The following FAAH2 variants were observed in gnomAD, a reference collection of about 807,000 sequenced individuals.
The protein encoded by FAAH2 is fatty acid amide hydrolase 2, also known as fatty-acid amide hydrolase 2.
Under a neutral mutation model 36.9 loss-of-function variants are expected in FAAH2, and 60 were observed. The ratio of observed to expected loss-of-function variants is 1.63; its 90% confidence interval spans 1.32 to 2.02. The LOEUF (loss-of-function observed/expected upper bound fraction) is 2.02, where lower values mean the gene tolerates loss of function less well. Ranked by LOEUF, FAAH2 falls within the 30% of genes most tolerant of loss-of-function variation. The probability of loss-of-function intolerance (pLI) is 0.00; values close to 1 mark genes in which losing one functional copy is unlikely to be tolerated. For synonymous variants in FAAH2, 214 were observed against 143.8 expected (o/e 1.49, Z -3.49); for missense variants, 689 against 397.5 (o/e 1.73, Z -6.23).
At chrX:57,142,149 G>A in the FAAH2 span, among the ~76,000 whole-genome samples, 1 of 111,381 alleles carries the variant, frequency 9.0e-6, no homozygotes, top group South Asian at 3.7e-4. Context: ...ACTAACTCAA[G>A]GTTTGATTTG....
chrX:57,137,400 C>A, the FAAH2 span: 11 of 737,704 alleles, frequency 1.5e-5, no homozygotes, highest in African/African-American at 2.3e-5. Context: ...GCAAAGAGCA[C>A]TGCAGCGGTG....
the FAAH2 span, among the ~76,000 whole-genome samples, chrX:57,192,338 A>C: frequency 9.0e-6 from 1 of 111,235 alleles, no homozygotes; most frequent in African/African-American, 3.3e-5. Context: ...CAGTTTGAAT[A>C]GTTTTTTTTT....
chrX:57,151,531 CCTTT>C, the FAAH2 span, among the ~76,000 whole-genome samples: 2 of 111,634 alleles, frequency 1.8e-5, no homozygotes, highest in Non-Finnish European at 3.8e-5. Flanking sequence ...TCGTTGATAC[CCTTT>C]CTTCCAGTGA....
At chrX:57,350,653 G>A (rs760644876) in intron 5 of FAAH2, among the ~76,000 whole-genome samples, 2 of 110,626 alleles carry the variant, frequency 1.8e-5, no homozygotes, top group African/African-American at 6.5e-5. Context: ...AAAGAAAAGG[G>A]GTAGAAAAAA....
At chrX:57,306,434 C>T (rs889469073) in intron 2 of FAAH2, among the ~76,000 whole-genome samples, 4 of 110,077 alleles carry the variant, frequency 3.6e-5, no homozygotes. Flanking sequence ...AGTGGTGTGG[C>T]CAATAATCAT....
chrX:57,160,012 A>G, the FAAH2 span, among the ~76,000 whole-genome samples: 3 of 112,067 alleles, frequency 2.7e-5, no homozygotes, highest in Admixed American at 9.4e-5. Flanking sequence ...GATACGTCCC[A>G]TCAATACCAA....
At chrX:57,387,665 C>T (rs934132838) in intron 7 of FAAH2, among the ~76,000 whole-genome samples, 6 of 111,484 alleles carry the variant, frequency 5.4e-5, no homozygotes, top group Admixed American at 4.8e-4. Flanking sequence ...TATATAATCC[C>T]TGTCACTGGG....
At chrX:57,216,081 T>A in the FAAH2 span, among the ~76,000 whole-genome samples, 1 of 108,204 alleles carries the variant, frequency 9.2e-6, no homozygotes, top group East Asian at 2.9e-4. Flanking sequence ...AATCCATTGG[T>A]GGGATTTTCT....
chrX:57,299,935 C>A (rs1344460497), intron 2 of FAAH2, among the ~76,000 whole-genome samples: 1 of 111,076 alleles, frequency 9.0e-6, no homozygotes, highest in Non-Finnish European at 1.9e-5. Flanking sequence ...AACTACAAAC[C>A]ACTGCTCAAT....
At chrX:57,412,229 T>A (rs2055716911) in intron 7 of FAAH2, among the ~76,000 whole-genome samples, 2 of 111,964 alleles carry the variant, frequency 1.8e-5, no homozygotes, top group Non-Finnish European at 3.8e-5. Flanking sequence ...TAAATTATAT[T>A]TTAAGTTCTG....
chrX:57,200,279 C>A, the FAAH2 span, among the ~76,000 whole-genome samples: 1 of 107,795 alleles, frequency 9.3e-6, no homozygotes, highest in Non-Finnish European at 1.9e-5. Context: ...AATAGGCTTG[C>A]AAATAATGTC....
At chrX:57,189,687 A>G in the FAAH2 span, among the ~76,000 whole-genome samples, 1 of 111,405 alleles carries the variant, frequency 9.0e-6, no homozygotes, top group Non-Finnish European at 1.9e-5. Context: ...TCCACTCCAG[A>G]CCCTATTTGT....
chrX:57,452,610 T>C (rs1243105335), intron 10 of FAAH2, among the ~76,000 whole-genome samples: 1 of 112,607 alleles, frequency 8.9e-6, no homozygotes, highest in African/African-American at 3.2e-5. Context: ...GACATTGCAT[T>C]GTTGCACAAA....
intron 7 of FAAH2, among the ~76,000 whole-genome samples, chrX:57,417,978 G>A (rs1427246288): frequency 1.8e-5 from 2 of 111,610 alleles, no homozygotes; most frequent in African/African-American, 6.5e-5. Context: ...GTTTTGCTGA[G>A]CTGTGGTGGG....
At chrX:57,322,581 C>A (rs1329670251) in intron 3 of FAAH2, among the ~76,000 whole-genome samples, 1 of 111,271 alleles carries the variant, frequency 9.0e-6, no homozygotes, top group Non-Finnish European at 1.9e-5. Context: ...TTGGTGATAT[C>A]CTGAAATATA....
intron 4 of FAAH2, among the ~76,000 whole-genome samples, chrX:57,333,558 G>A (rs12689809): frequency 0.37 from 39,564 of 107,593 alleles, 6,223 homozygotes; most frequent in Middle Eastern, 0.61. Context: ...AATGTAAGAA[G>A]ACAGATGGGA....
intron 7 of FAAH2, among the ~76,000 whole-genome samples, chrX:57,400,835 G>A (rs1431107757): frequency 8.9e-6 from 1 of 112,439 alleles, no homozygotes; most frequent in Non-Finnish European, 1.9e-5. Context: ...AAGAACACTT[G>A]GGTGGGGCTG....
chrX:57,232,649 C>T, the FAAH2 span, among the ~76,000 whole-genome samples: 3 of 112,140 alleles, frequency 2.7e-5, no homozygotes, highest in Non-Finnish European at 5.6e-5. Flanking sequence ...ATATTCAATT[C>T]TGTATTTATA....
At chrX:57,479,160 T>G (rs1261678005) in intron 10 of FAAH2, among the ~76,000 whole-genome samples, 1 of 111,504 alleles carries the variant, frequency 9.0e-6, no homozygotes, top group Admixed American at 9.6e-5. Context: ...CTCTTTTATT[T>G]CATTGAGCAG....
Sources: allele counts gnomAD v4.1 joint callset (sites outside exome capture counted in the v4.1 genomes callset), GRCh38; gene constraint gnomAD v4.1.1; transcripts MANE v1.5; gene names NCBI Gene and HGNC (gene_info 2026-07-23, HGNC 2026-07-21).